GFOD1: variants seen among roughly 807,000 people sequenced by gnomAD.
The protein encoded by GFOD1 is glucose-fructose oxidoreductase domain-containing protein 1.
In GFOD1, 9 loss-of-function variants were observed where a neutral mutation model predicts 25.4. The observed-to-expected ratio is 0.35, with a 90% CI of 0.21 to 0.62. GFOD1 has a LOEUF of 0.62. Among genes scored for constraint, GFOD1 ranks in the 20% least tolerant of loss-of-function variants. The pLI is 0.72. For missense variants in GFOD1, 403 were observed against 556.9 expected (o/e 0.72, Z 2.78); for synonymous variants, 253 against 245.6 (o/e 1.03, Z -0.28).
chr6:13,428,601 C>A (rs1227236726), intron 1 of GFOD1, among the ~76,000 whole-genome samples: 1 of 152,200 alleles, frequency 6.6e-6, no homozygotes. Flanking sequence ...AGGCTCAGGG[C>A]TTTAAATCAC....
intron 1 of GFOD1, among the ~76,000 whole-genome samples, chr6:13,396,834 CACTGAA>C (rs2127562483): frequency 6.6e-6 from 1 of 152,294 alleles, no homozygotes; most frequent in Non-Finnish European, 1.5e-5. Flanking sequence ...CCTGCCAGCA[CACTGAA>C]TTTAGACTTT....
intron 1 of GFOD1, chr6:13,469,568 A>G: frequency 9.5e-7 from 1 of 1,056,456 alleles, no homozygotes; most frequent in Non-Finnish European, 1.1e-6. Flanking sequence ...TTTGGAGTCA[A>G]GCAAACTTAA....
intron 1 of GFOD1, among the ~76,000 whole-genome samples, chr6:13,459,552 T>A (rs1042017326): frequency 1.3e-5 from 2 of 151,892 alleles, no homozygotes; most frequent in Non-Finnish European, 2.9e-5. Flanking sequence ...AAAGAAACTA[T>A]CATCAGAGCA....
chr6:13,409,151 G>GAAAGGAAGGA (rs751020501), intron 1 of GFOD1, among the ~76,000 whole-genome samples: 6 of 64,578 alleles, frequency 9.3e-5, no homozygotes, highest in African/African-American at 4.5e-4. Context: ...GAAAGAAAGA[G>GAAAGGAAGGA]AGGAAAGAAA....
intron 1 of GFOD1, among the ~76,000 whole-genome samples, chr6:13,421,263 AGATC>A (rs1786252209): frequency 6.6e-6 from 1 of 152,178 alleles, no homozygotes; most frequent in African/African-American, 2.4e-5. Flanking sequence ...GGAGGCAGCC[AGATC>A]GCTTGAGCCC....
intron 1 of GFOD1, among the ~76,000 whole-genome samples, chr6:13,447,666 G>A (rs886183417): frequency 9.6e-5 from 14 of 145,670 alleles, no homozygotes; most frequent in East Asian, 6.3e-4. Flanking sequence ...ACTTGCACCC[G>A]GGAGGTAGAG....
chr6:13,469,861 A>G (rs1758452277), intron 1 of GFOD1: 1 of 1,191,822 alleles, frequency 8.4e-7, no homozygotes, highest in Non-Finnish European at 1.1e-6. Flanking sequence ...TAAATGAGTA[A>G]CACTCGTACT....
chr6:13,486,518 G>T, intron 1 of GFOD1, 120 bp downstream of exon 1: 1 of 818,322 alleles, frequency 1.2e-6, no homozygotes. Flanking sequence ...CAGATCCCCG[G>T]GGCAGCGTAG....
intron 1 of GFOD1, among the ~76,000 whole-genome samples, chr6:13,412,625 C>T (rs1786098219): frequency 6.6e-6 from 1 of 152,204 alleles, no homozygotes; most frequent in Admixed American, 6.5e-5. Flanking sequence ...TCCCTTCCCC[C>T]CGTTGTTACT....
At chr6:13,444,103 C>T (rs539141385) in intron 1 of GFOD1, among the ~76,000 whole-genome samples, 38 of 152,246 alleles carry the variant, frequency 2.5e-4, no homozygotes, top group African/African-American at 7.9e-4. Flanking sequence ...GACATGGAAT[C>T]GATCTAAATG....
At chr6:13,393,206 A>G (rs1299551070) in intron 1 of GFOD1, among the ~76,000 whole-genome samples, 4 of 151,940 alleles carry the variant, frequency 2.6e-5, no homozygotes, top group African/African-American at 9.7e-5. Flanking sequence ...AAATACAAAA[A>G]TTAGCTGGGC....
chr6:13,422,941 A>G (rs975285614), intron 1 of GFOD1, among the ~76,000 whole-genome samples: 8 of 152,040 alleles, frequency 5.3e-5, no homozygotes, highest in Non-Finnish European at 1.0e-4. Flanking sequence ...GCTATTTTAA[A>G]CCCAGCTTGC....
intron 1 of GFOD1, among the ~76,000 whole-genome samples, chr6:13,460,127 T>C (rs906801962): frequency 3.3e-5 from 5 of 152,050 alleles, no homozygotes; most frequent in African/African-American, 1.2e-4. Flanking sequence ...ATGTGAGACT[T>C]CATCTCAAAA....
chr6:13,440,738 A>G (rs1757901962), intron 1 of GFOD1, among the ~76,000 whole-genome samples: 1 of 152,236 alleles, frequency 6.6e-6, no homozygotes, highest in Non-Finnish European at 1.5e-5. Flanking sequence ...TGTAAACAGT[A>G]GTTGGGTAAT....
chr6:13,479,111 G>C (rs1019253489), intron 1 of GFOD1, among the ~76,000 whole-genome samples: 2 of 151,654 alleles, frequency 1.3e-5, no homozygotes, highest in East Asian at 3.9e-4. Context: ...AGTCTTACAG[G>C]AGGGAATCAT....
chr6:13,477,520 C>T (rs1758654844), intron 1 of GFOD1, among the ~76,000 whole-genome samples: 1 of 152,072 alleles, frequency 6.6e-6, no homozygotes, highest in Non-Finnish European at 1.5e-5. Context: ...GCTGCACACA[C>T]TACCCAGGAG....
At chr6:13,412,260 G>C (rs964360143) in intron 1 of GFOD1, among the ~76,000 whole-genome samples, 1 of 152,206 alleles carries the variant, frequency 6.6e-6, no homozygotes, top group Admixed American at 6.5e-5. Context: ...GGTCATTGGA[G>C]TGGGCCTTAA....
At chr6:13,374,273 T>TTGTGTGTGTGTG (rs567594703) in intron 1 of GFOD1, among the ~76,000 whole-genome samples, 14 of 134,388 alleles carry the variant, frequency 1.0e-4, no homozygotes, top group African/African-American at 3.8e-4. Context: ...TGTTTTTTTT[T>TTGTGTGTGTGTG]TGTGTGTGTG....
chr6:13,365,654 T>C lies in GFOD1; in HGVS notation c.262A>G (p.Lys88Glu). The change falls in exon 2 of 2, where the codon AAG becomes GAG. Residue 88 changes from lysine (K) to glutamate (E), a missense_variant. Transcript: ENST00000379287. The surrounding 1 kb of genome is among the most constrained non-coding windows in gnomAD (Gnocchi z 9.2). The stretch of plus-strand genomic sequence containing the variant: ...GCCGTGCGGTCGCAGATGACGTTCT[T>C]GCCGATGCCTGCGGGTGGGAGGAAG... ...QIAVKTLGIGKNVICDRTATP... is the reference protein window; with the variant it reads ...QIAVKTLGIGENVICDRTATP... 6.3e-7 allele frequency: 1 copy of C among 1,593,220 alleles called. No homozygotes were observed.
Sources: gnomAD v4.1 joint callset for allele counts (sites outside exome capture counted in the v4.1 genomes callset) on GRCh38, gnomAD v4.1.1 for gene constraint, Gnocchi (gnomAD v3.1) non-coding constraint, MANE v1.5 for transcripts, NCBI Gene and HGNC (gene_info 2026-07-23, HGNC 2026-07-21) for gene names.